Variants in GLB1 observed in about 807,000 individuals in gnomAD.
GLB1 encodes beta-galactosidase.
Under a neutral mutation model 74.0 loss-of-function variants are expected in GLB1, and 56 were observed. The observed-to-expected ratio is 0.76, with a 90% confidence interval of 0.61 to 0.94. The LOEUF is 0.94. GLB1 is among the 40% of genes least tolerant of loss of function. GLB1 has a pLI of 0.00. For synonymous variants in GLB1, 323 were observed against 323.6 expected, an observed-to-expected ratio of 1.00 and a Z score of 0.02; for missense variants, 787 against 845.5, an observed-to-expected ratio of 0.93 and a Z score of 0.86.
chr3:32,978,770 T>TTTC, the GLB1 span, among the ~76,000 whole-genome samples: 1 of 143,016 alleles, frequency 7.0e-6, no homozygotes. Context: ...TCTTTCTTTT[T>TTTC]TTTTTTTTTT....
At chr3:32,997,631 C>T (rs905377621) in intron 15 of GLB1, among the ~76,000 whole-genome samples, 7 of 152,262 alleles carry the variant, frequency 4.6e-5, no homozygotes, top group Admixed American at 2.0e-4. Context: ...GTCCCTCTGA[C>T]GGGCTTCAGT....
the GLB1 span, among the ~76,000 whole-genome samples, chr3:32,989,467 G>C: frequency 6.6e-6 from 1 of 152,210 alleles, no homozygotes; most frequent in Non-Finnish European, 1.5e-5. Context: ...GGTTTTGTCT[G>C]AGAGGGATGC....
At chr3:32,983,445 ATTTTGTTCTTT>A in the GLB1 span, among the ~76,000 whole-genome samples, 8 of 152,210 alleles carry the variant, frequency 5.3e-5, no homozygotes, top group African/African-American at 1.9e-4. Context: ...CAAAAGTGCT[ATTTTGTTCTTT>A]TGCAAATCTA....
chr3:33,097,002 CA>C lies in GLB1; in HGVS notation c.75+8del. 1 of 1,611,350 alleles carries C rather than the reference CA, an allele frequency of 6.2e-7. No individual in the cohort carries two copies. Among genetic ancestry groups the C allele is most frequent in the South Asian group, 1.1e-5 (1 of 90,714 alleles). ...AATGCCTCCCCGTACCCGGGTCCCG[CA>C]GACTTACGCGCAAGCCGCGCGTAGG... On this transcript the variant is annotated splice_region_variant and intron_variant, in intron 1 of 15. Coordinates refer to ENST00000307363, the MANE Select transcript of GLB1 (RefSeq NM_000404.4).
At chr3:32,987,248 G>A in the GLB1 span, among the ~76,000 whole-genome samples, 1 of 152,228 alleles carries the variant, frequency 6.6e-6, no homozygotes, top group Non-Finnish European at 1.5e-5. Context: ...TAATGTGTGT[G>A]AGTTTCTCTG....
At chr3:33,002,284 T>C (rs1696603086) in intron 15 of GLB1, among the ~76,000 whole-genome samples, 1 of 152,188 alleles carries the variant, frequency 6.6e-6, no homozygotes, top group Non-Finnish European at 1.5e-5. Flanking sequence ...TTTGTCTGTC[T>C]GTTTTAAACT....
chr3:33,036,584 C>A (rs1251266361), intron 10 of GLB1, among the ~76,000 whole-genome samples: 1 of 152,094 alleles, frequency 6.6e-6, no homozygotes, highest in African/African-American at 2.4e-5. Flanking sequence ...ATGTTCAATG[C>A]AGCATTATTC....
At chr3:33,065,010 T>G (rs558208266) in intron 5 of GLB1, among the ~76,000 whole-genome samples, 13 of 152,240 alleles carry the variant, frequency 8.5e-5, no homozygotes, top group Admixed American at 3.3e-4. Context: ...TCCTTTTCCA[T>G]TCCAGGGTTA....
the GLB1 span, among the ~76,000 whole-genome samples, chr3:32,972,490 G>A: frequency 3.3e-5 from 5 of 152,094 alleles, no homozygotes; most frequent in Non-Finnish European, 7.4e-5. Flanking sequence ...AGCCTTTGGA[G>A]GATTCAAAAC....
At chr3:33,004,488 T>C (rs1214030796) in intron 15 of GLB1, among the ~76,000 whole-genome samples, 1 of 152,138 alleles carries the variant, frequency 6.6e-6, no homozygotes, top group African/African-American at 2.4e-5. Flanking sequence ...GGAAAGTGAG[T>C]GACGTTTAAA....
intron 1 of GLB1, chr3:33,077,487 A>C: frequency 1.4e-6 from 1 of 713,580 alleles, no homozygotes; most frequent in South Asian, 1.6e-5. Context: ...GGGGGTGTCT[A>C]CTAAAAAGGG....
intron 4 of GLB1, among the ~76,000 whole-genome samples, chr3:33,067,287 G>A (rs1699723441): frequency 6.6e-6 from 1 of 152,020 alleles, no homozygotes; most frequent in Non-Finnish European, 1.5e-5. Context: ...ACAGGCATGA[G>A]CCACTACGCC....
chr3:33,059,175 A>G (rs748727648), intron 5 of GLB1, among the ~76,000 whole-genome samples: 5 of 152,062 alleles, frequency 3.3e-5, no homozygotes, highest in Non-Finnish European at 5.9e-5. Context: ...TGAGGTGGGT[A>G]GCATCCCCAA....
At chr3:33,059,240 AACATAC>A (rs1356595481) in intron 5 of GLB1, among the ~76,000 whole-genome samples, 1 of 98,610 alleles carries the variant, frequency 1.0e-5, no homozygotes, top group Non-Finnish European at 2.0e-5. Flanking sequence ...ATTTATATAA[AACATAC>A]ACACACACAC....
Position 33,051,777 on chromosome 3 carries a change from G to T in GLB1, c.936C>A (p.Thr312=). 1 of 1,614,070 alleles carries T rather than the reference G, an allele frequency of 6.2e-7. No homozygotes were observed. Among genetic ancestry groups the T allele is most frequent in the Non-Finnish European group, 8.5e-7 (1 of 1,180,020 alleles). The change falls in exon 9 of 16, where the codon ACC becomes ACA. Residue 312 remains threonine, a synonymous_variant. Coordinates refer to ENST00000307363, the MANE Select transcript of GLB1 (RefSeq NM_000404.4). Reference sequence around the variant, plus strand: ...TCTTACCATTCCAATAGGCAAAATTGGTCCCACCTATAAACATGTACCTAC... The same window carrying T: ...TCTTACCATTCCAATAGGCAAAATTTGTCCCACCTATAAACATGTACCTAC... The part of the protein sequence containing the change: ...SVNLYMFIGG[T]NFAYWNGANS...
intron 10 of GLB1, chr3:33,030,701 T>C (rs1697967807): frequency 2.0e-6 from 2 of 985,434 alleles, no homozygotes; most frequent in Admixed American, 6.1e-5. Context: ...GTTACTACCT[T>C]TGGGAATCCC....
intron 10 of GLB1, chr3:33,030,526 G>A (rs1160283734): frequency 1.0e-6 from 1 of 985,462 alleles, no homozygotes; most frequent in Non-Finnish European, 1.2e-6. Context: ...AGAGACAGCT[G>A]TGTCTGCGTA....
At chr3:33,062,289 C>A (rs1327313667) in intron 5 of GLB1, among the ~76,000 whole-genome samples, 1 of 151,948 alleles carries the variant, frequency 6.6e-6, no homozygotes, top group East Asian at 1.9e-4. Flanking sequence ...TGCCTCTGCC[C>A]CCTGAATGGC....
chr3:33,072,900 G>C (rs1158731870), intron 1 of GLB1, among the ~76,000 whole-genome samples, 187 bp from the exon 2 acceptor site: 1 of 152,162 alleles, frequency 6.6e-6, no homozygotes, highest in Non-Finnish European at 1.5e-5. Context: ...ACTCAGGTAA[G>C]AGAAATCATC....
Sources: allele counts gnomAD v4.1 joint callset (sites outside exome capture counted in the v4.1 genomes callset), GRCh38; gene constraint gnomAD v4.1.1; transcripts MANE v1.5; gene names NCBI Gene and HGNC (gene_info 2026-07-23, HGNC 2026-07-21).